The following CCPG1 variants were observed in gnomAD, a reference collection of about 807,000 sequenced individuals.
CCPG1 encodes the protein cell cycle progression protein 1.
A neutral mutation model predicts 81.3 loss-of-function variants in CCPG1; 46 were observed. That is an observed-to-expected ratio of 0.57 (90% CI 0.45 to 0.72). The LOEUF (loss-of-function observed/expected upper bound fraction) is 0.72, where lower values mean the gene tolerates loss of function less well. CCPG1 is among the 30% of genes least tolerant of loss of function. CCPG1 has a pLI of 0.00. For missense variants in CCPG1, 902 were observed against 937.6 expected, an observed-to-expected ratio of 0.96 and a Z score of 0.50; for synonymous variants, 330 against 305.2, an observed-to-expected ratio of 1.08 and a Z score of -0.85.
At chr15:55,358,370 A>G (rs1566964671) in intron 8 of CCPG1, 1 of 985,290 alleles carries the variant, frequency 1.0e-6, no homozygotes, top group African/African-American at 1.7e-5. Flanking sequence ...GACTACTGTA[A>G]TCTAAAATAC....
rs1216663907 is a variant in CCPG1 at position 55,380,532 on chromosome 15, T to TA, written c.176-2157dup. Among the ~76,000 whole-genome samples, 4 of 151,690 alleles carry TA rather than the reference T, an allele frequency of 2.6e-5. No individual in the cohort carries two copies. In the South Asian group the frequency reaches 6.3e-4, roughly 24 times the overall value. On this transcript the variant is annotated intron_variant, in intron 3 of 8. Coordinates refer to ENST00000442196, the MANE Select transcript of CCPG1 (RefSeq NM_001204450.2). ...GGATGGTCTTGATCTCCTGACCCCG[T>TA]AAGCCGCCCGCCTCGGCCACCCAAA...
At chr15:55,359,373 T>C in intron 8 of CCPG1, 166 bp downstream of exon 8, 7 of 1,392,352 alleles carry the variant, frequency 5.0e-6, no homozygotes, top group Non-Finnish European at 6.5e-6. Context: ...TAACAGCTAA[T>C]AATTTTTAGA....
At chr15:55,376,883 G>C (rs2289323) in intron 5 of CCPG1, 66 bp downstream of exon 5, 74,132 of 1,185,560 alleles carry the variant, frequency 0.063, 2,891 homozygotes, top group East Asian at 0.17. Flanking sequence ...ATTAGGGGTA[G>C]AAAACAAGCC....
chr15:55,400,710 T>C (rs1342777558), intron 1 of CCPG1, among the ~76,000 whole-genome samples: 2 of 152,208 alleles, frequency 1.3e-5, no homozygotes, highest in Non-Finnish European at 2.9e-5. Flanking sequence ...TAATTTCCGC[T>C]CATCTCATGA....
intron 1 of CCPG1, among the ~76,000 whole-genome samples, chr15:55,406,194 G>A (rs2057215396): frequency 1.3e-5 from 2 of 148,986 alleles, no homozygotes; most frequent in African/African-American, 2.5e-5. Flanking sequence ...AATGTTCATA[G>A]AGTCCATAAC....
rs140212799 is a variant in CCPG1 at position 55,356,217 on chromosome 15, G to A, written c.*3C>T. 106 of 1,524,392 alleles carry A rather than the reference G, an allele frequency of 7.0e-5. No individual in the cohort carries two copies. The African/African-American group carries it at 1.2e-3, about 17-fold the overall frequency. 94.4% of individuals were successfully genotyped at this position (1,524,392 alleles called of 1,614,324 possible). A position where few individuals can be genotyped will look rare whatever the true frequency, so the allele number is the denominator to read the frequency against. On this transcript the variant is annotated 3_prime_UTR_variant, in exon 9 of 9. Coordinates refer to ENST00000442196, the MANE Select transcript of CCPG1 (RefSeq NM_001204450.2). ...CAGTTGTCTAATTTAACTCAATTGT[G>A]AATCAGTATTGAGGATCAAAAGGTA...
rs2056999583 is a variant in CCPG1 at position 55,395,513 on chromosome 15, CT to C, written c.-9-6081del. ...TCTCATCTCTTTTAATTCATTCCCG[CT>C]TTGCCCAACCTTCTCAGTTCCCCTC... On this transcript the variant is annotated intron_variant, in intron 1 of 8. Coordinates refer to ENST00000442196, the MANE Select transcript of CCPG1 (RefSeq NM_001204450.2). Among the ~76,000 whole-genome samples, 3 of 152,220 alleles carry C rather than the reference CT, an allele frequency of 2.0e-5. No homozygotes were observed. In the South Asian group the frequency reaches 6.2e-4, roughly 32 times the overall value.
At chr15:55,399,417 C>CAAA (rs56191750) in intron 1 of CCPG1, among the ~76,000 whole-genome samples, 3,552 of 63,028 alleles carry the variant, frequency 0.056, 101 homozygotes, top group African/African-American at 0.067. Flanking sequence ...ACTAAAAATA[C>CAAA]AAAAAAAAAA....
chr15:55,371,885 T>C lies in CCPG1; in HGVS notation c.614A>G (p.Glu205Gly). ...ACTACTGAACTGACGTTTACTCAAC[T>C]CCTTAGAAGGTTCAGTTTCTTGTTC... ...VAEQETEPSK[E>G]LSKRQFSSGL... The change falls in exon 6 of 9, where the codon GAG becomes GGG. Residue 205 changes from glutamate (E) to glycine (G), a missense_variant. Around this residue, in one of 3 missense-constraint regions of CCPG1, gnomAD observed 746 missense variants for 728.6 expected, o/e 1.02. Transcript: ENST00000442196. 6.2e-7 allele frequency: 1 copy of C among 1,614,122 alleles called. No homozygotes were observed. The highest frequency in any genetic ancestry group is 8.5e-7 in the Non-Finnish European group (1 of 1,179,976).
intron 2 of CCPG1, among the ~76,000 whole-genome samples, chr15:55,387,889 C>T (rs909714044): frequency 3.4e-5 from 5 of 148,924 alleles, no homozygotes; most frequent in East Asian, 2.1e-4. Flanking sequence ...CGGTGGCTCA[C>T]GCCTGTAATC....
At chr15:55,385,561 T>C in intron 3 of CCPG1, 39 bp downstream of exon 3, 2 of 1,068,880 alleles carry the variant, frequency 1.9e-6, no homozygotes, top group Non-Finnish European at 2.8e-6. Context: ...CACTCATATA[T>C]CATATTAAAA....
At chr15:55,399,084 A>G (rs916467048) in intron 1 of CCPG1, among the ~76,000 whole-genome samples, 3 of 152,072 alleles carry the variant, frequency 2.0e-5, no homozygotes, top group Non-Finnish European at 2.9e-5. Flanking sequence ...ACCTCCCCCA[A>G]AGAAAAGTAC....
intron 1 of CCPG1, among the ~76,000 whole-genome samples, chr15:55,397,413 G>T (rs546765558): frequency 1.4e-5 from 2 of 145,948 alleles, no homozygotes; most frequent in East Asian, 1.9e-4. Context: ...ACAGCATTGT[G>T]GGGGAGCAAA....
chr15:55,399,417 C>CAAAAAAAAAAAAAAAAAAAAA (rs56191750), intron 1 of CCPG1, among the ~76,000 whole-genome samples: 1 of 63,144 alleles, frequency 1.6e-5, no homozygotes, highest in African/African-American at 4.7e-5. Flanking sequence ...ACTAAAAATA[C>CAAAAAAAAAAAAAAAAAAAAA]AAAAAAAAAA....
chr15:55,364,682 C>T (rs926787538), intron 7 of CCPG1, among the ~76,000 whole-genome samples: 3 of 150,458 alleles, frequency 2.0e-5, no homozygotes, highest in African/African-American at 7.3e-5. Context: ...ACCAGCGTGG[C>T]CAACATAGTG....
chr15:55,374,310 A>C, intron 5 of CCPG1: 2 of 875,488 alleles, frequency 2.3e-6, no homozygotes, highest in Non-Finnish European at 3.2e-6. Flanking sequence ...ACTAAAAAGA[A>C]AAAAAAGAAT....
intron 1 of CCPG1, among the ~76,000 whole-genome samples, chr15:55,402,707 T>C (rs2057149953): frequency 6.6e-6 from 1 of 152,250 alleles, no homozygotes; most frequent in South Asian, 2.1e-4. Context: ...ACATGAAATG[T>C]ATTTCTCAGA....
intron 8 of CCPG1, chr15:55,357,281 C>T (rs939358955): frequency 1.5e-5 from 15 of 979,130 alleles, no homozygotes; most frequent in Admixed American, 1.2e-4. Context: ...CTGTTACTTT[C>T]TACTTCTCCT....
At chr15:55,357,565 T>A (rs2056107225) in intron 8 of CCPG1, 1 of 396,722 alleles carries the variant, frequency 2.5e-6, no homozygotes, top group Non-Finnish European at 3.4e-6. Context: ...TTCATCAGTT[T>A]TAGGCGGGGT....
Sources: allele counts gnomAD v4.1 joint callset (sites outside exome capture counted in the v4.1 genomes callset), GRCh38; gene constraint gnomAD v4.1.1; regional missense constraint gnomAD v4.1.1; transcripts MANE v1.5; gene names NCBI Gene and HGNC (gene_info 2026-07-23, HGNC 2026-07-21).